The following ZNF175 variants were observed in gnomAD, a reference collection of about 807,000 sequenced individuals.
ZNF175 encodes the protein zinc finger protein OTK18.
ZNF175 carries 8 observed loss-of-function variants against 14.0 expected under a neutral mutation model. The ratio of observed to expected loss-of-function variants is 0.57; its 90% confidence interval spans 0.34 to 1.03. The LOEUF is 1.03. Ranked by LOEUF, ZNF175 falls within the 50% of genes least tolerant of loss-of-function variation. The pLI, the probability that ZNF175 is intolerant of heterozygous loss-of-function variation, is 0.03. For synonymous variants in ZNF175, 255 were observed against 296.8 expected (o/e 0.86, Z 1.45); for missense variants, 764 against 849.5 (o/e 0.90, Z 1.25).
In ZNF175 at chr19:51,581,852, G is replaced by C; in HGVS notation, c.265G>C (p.Glu89Gln). ...AAAAGAAAAGGAGCCGCGTGTGGAG[G>C]AGGCTGAAGTCTCACATCAGAGGTG... ...MLKEKEPRVE[E>Q]AEVSHQRCQE... The change falls in exon 4 of 5, where the codon GAG becomes CAG. Residue 89 changes from glutamate (E) to glutamine (Q), a missense_variant. Physicochemically the swap from Glu to Gln is conservative, Grantham distance 29. Coordinates refer to ENST00000262259, the MANE Select transcript of ZNF175 (RefSeq NM_007147.4). 6.2e-7 allele frequency: 1 copy of C among 1,613,876 alleles called. No homozygotes were observed. The highest frequency in any genetic ancestry group is 8.5e-7 in the Non-Finnish European group (1 of 1,179,840).
At chr19:51,578,136 C>T (rs1216651362) in intron 2 of ZNF175, among the ~76,000 whole-genome samples, 2 of 151,936 alleles carry the variant, frequency 1.3e-5, no homozygotes, top group Admixed American at 6.6e-5. Flanking sequence ...CAGTGGCTCA[C>T]GCCTGTAATC....
rs769601922 is a variant in ZNF175 at position 51,587,087 on chromosome 19, C to A, written c.756C>A (p.Cys252Ter). The change falls in exon 5 of 5, where the codon TGC becomes TGA. Residue 252 changes from cysteine (C) to a stop codon, truncating the protein, a stop_gained. Coordinates refer to ENST00000262259, the MANE Select transcript of ZNF175 (RefSeq NM_007147.4). LOFTEE classifies it low-confidence loss of function (END_TRUNC). ...ATATTCATACAGGAGAGACATTTTGCAAAGGTAACCAGTGTAGAAAAGTCT... is the reference window on the plus strand; with the variant it reads ...ATATTCATACAGGAGAGACATTTTGAAAAGGTAACCAGTGTAGAAAAGTCT... ...SKNIHTGETF[C>*]KGNQCRKVCG... is the part of the protein sequence containing the mutation. 3.7e-6 allele frequency: 6 copies of A among 1,614,034 alleles called. No individual in the cohort carries two copies. The highest frequency in any genetic ancestry group is 5.1e-6 in the Non-Finnish European group (6 of 1,180,032).
At chr19:51,577,811 C>G (rs574207920) in intron 2 of ZNF175, among the ~76,000 whole-genome samples, 4 of 151,884 alleles carry the variant, frequency 2.6e-5, no homozygotes, top group East Asian at 4.0e-4. Context: ...CTAAAGGCGC[C>G]CGCCACCACA....
chr19:51,587,577 G>A lies in ZNF175; in HGVS notation c.1246G>A (p.Glu416Lys). The change falls in exon 5 of 5, where the codon GAG (glutamate) becomes AAG (lysine). Residue 416 changes from glutamate to lysine, a missense_variant. Physicochemically the swap from Glu to Lys is moderately conservative, Grantham distance 56. Transcript: ENST00000262259. Reference protein sequence around the residue: ...LIIHQKIHTGERQYACSECGK... With the variant: ...LIIHQKIHTGKRQYACSECGK... ...TATACATCAGAAAATTCATACTGGT[G>A]AGAGACAGTATGCATGCAGTGAATG... The A allele has an allele frequency of 6.2e-7, 1 of 1,614,184 alleles. No homozygotes were observed.
At chr19:51,571,524 G>C (rs1981585216) in intron 1 of ZNF175, 49 bp downstream of exon 1, 1 of 152,488 alleles carries the variant, frequency 6.6e-6, no homozygotes, top group Non-Finnish European at 1.5e-5. Context: ...TTCTGGGGTG[G>C]GTGATGGGTG....
chr19:51,587,358 G>T lies in ZNF175; in HGVS notation c.1027G>T (p.Val343Phe), dbSNP rs199660011. Residue 343 changes from valine (V) to phenylalanine (F), a missense_variant, in exon 5 of 5, where the codon GTC (valine) becomes TTC (phenylalanine). Val to Phe is a conservative substitution (Grantham distance 50, BLOSUM62 -1). Transcript: ENST00000262259. Reference protein sequence around the residue: ...IPCICKECGKVFIQRSELLTH... With the variant: ...IPCICKECGKFFIQRSELLTH... ...CTGTATATGCAAGGAATGTGGGAAG[G>T]TCTTTATTCAGAGATCAGAATTGCT... is the stretch of plus-strand genomic sequence containing the variant. 150 of 1,614,034 alleles carry T rather than the reference G, an allele frequency of 9.3e-5. No homozygotes were observed. Among genetic ancestry groups the T allele is most frequent in the Non-Finnish European group, 1.2e-4 (144 of 1,180,008 alleles).
Position 51,587,764 on chromosome 19 carries a change from A to C in ZNF175, c.1433A>C (p.His478Pro). The C allele has an allele frequency of 6.2e-7, 1 of 1,614,204 alleles. No homozygotes were observed. The highest frequency in any genetic ancestry group is 8.5e-7 in the Non-Finnish European group (1 of 1,180,040). Residue 478 changes from histidine (H) to proline (P), a missense_variant, in exon 5 of 5, where the codon CAC becomes CCC. Transcript: ENST00000262259. ...SHTGEKPYQC[H>P]NCGKSFISKS... ...ACAGGAGAAAAACCTTATCAGTGCCACAACTGTGGGAAATCCTTCATTTCC... is the reference window on the plus strand; with the variant it reads ...ACAGGAGAAAAACCTTATCAGTGCCCCAACTGTGGGAAATCCTTCATTTCC...
At chr19:51,577,936 T>C (rs11084091) in intron 2 of ZNF175, among the ~76,000 whole-genome samples, 6 of 150,660 alleles carry the variant, frequency 4.0e-5, no homozygotes, top group African/African-American at 7.3e-5. Flanking sequence ...GTGCTGGGAT[T>C]ACAGGCGTGA....
At position 51,581,506 on chromosome 19, in the gene ZNF175, T is replaced by A; in HGVS notation, c.188T>A (p.Leu63His). ...RDVMLELYSH[L>H]FAVGYHIPNP... is the part of the protein sequence containing the mutation. Reference sequence around the variant, plus strand: ...GTGATGCTGGAGCTCTATAGCCATCTCTTCGCAGTGGGTGAGCACAACTGA... The same window carrying A: ...GTGATGCTGGAGCTCTATAGCCATCACTTCGCAGTGGGTGAGCACAACTGA... The change falls in exon 3 of 5, where the codon CTC becomes CAC. Residue 63 changes from leucine (L) to histidine (H), a missense_variant. Transcript: ENST00000262259. The A allele has an allele frequency of 6.2e-7, 1 of 1,613,342 alleles. No homozygotes were observed. Among genetic ancestry groups the A allele is most frequent in the Non-Finnish European group, 8.5e-7 (1 of 1,179,452 alleles).
Position 51,587,267 on chromosome 19 carries a change from T to A in ZNF175, c.936T>A (p.Cys312Ter), listed in dbSNP as rs1982198431. 1.2e-6 allele frequency: 2 copies of A among 1,614,130 alleles called. No individual in the cohort carries two copies. Among genetic ancestry groups the A allele is most frequent in the African/African-American group, 2.7e-5 (2 of 75,012 alleles). Residue 312 changes from cysteine (C) to a stop codon, truncating the protein, a stop_gained, in exon 5 of 5, where the codon TGT becomes TGA. Transcript: ENST00000262259. LOFTEE classifies it low-confidence loss of function (END_TRUNC). ...SVGNLHECGK[C>*]GKAFMPQLKL... Reference sequence around the variant, plus strand: ...GAAACCTCCATGAATGTGGCAAATGTGGAAAAGCCTTCATGCCACAACTAA... The same window carrying A: ...GAAACCTCCATGAATGTGGCAAATGAGGAAAAGCCTTCATGCCACAACTAA...
rs994197350 is a variant in ZNF175, at chr19:51,591,759, C to A, written c.*3292C>A. On this transcript the variant is annotated 3_prime_UTR_variant, in exon 5 of 5. Transcript: ENST00000262259. ...CAACCATTGTACTACTTTACCTCCT[C>A]ATGACCTTTTTTTTTTTTTTCTTGT... 6.6e-6 allele frequency: 1 copy of A among 150,982 alleles called. No homozygotes were observed. Among genetic ancestry groups the A allele is most frequent in the Non-Finnish European group, 1.5e-5 (1 of 67,898 alleles). 9.4% of individuals were successfully genotyped at this position (150,982 alleles called of 1,614,324 possible).
chr19:51,574,959 T>C (rs1181911142), intron 2 of ZNF175, among the ~76,000 whole-genome samples: 1 of 152,186 alleles, frequency 6.6e-6, no homozygotes, highest in Non-Finnish European at 1.5e-5. Flanking sequence ...CCCAGTACCA[T>C]GCACATTATC....
chr19:51,578,250 A>G (rs1981875467), intron 2 of ZNF175, among the ~76,000 whole-genome samples: 2 of 151,810 alleles, frequency 1.3e-5, no homozygotes, highest in Non-Finnish European at 2.9e-5. Context: ...AATACAAAAA[A>G]TTAGCCAGGC....
intron 2 of ZNF175, among the ~76,000 whole-genome samples, chr19:51,580,988 T>G (rs966900582): frequency 2.0e-5 from 3 of 152,192 alleles, no homozygotes; most frequent in African/African-American, 7.2e-5. Context: ...GTAGTTGAGC[T>G]TTTGTATTTA....
At chr19:51,581,639 T>C in intron 3 of ZNF175, 122 bp downstream of exon 3, 16 of 1,523,710 alleles carry the variant, frequency 1.1e-5, no homozygotes, top group Non-Finnish European at 1.4e-5. Context: ...TTGTCCTGGA[T>C]TGTTTGTTTC....
chr19:51,578,484 A>G (rs1172473049), intron 2 of ZNF175, among the ~76,000 whole-genome samples: 1 of 151,738 alleles, frequency 6.6e-6, no homozygotes, highest in Non-Finnish European at 1.5e-5. Context: ...AACGTTGAGG[A>G]CGGCTGGGCG....
In ZNF175 at chr19:51,589,889, A is replaced by G; in HGVS notation, c.*1422A>G. 3.2e-6 allele frequency: 1 copy of G among 313,798 alleles called. No homozygotes were observed. The highest frequency in any genetic ancestry group is 6.0e-5 in the Admixed American group (1 of 16,612). The allele number at this position is 313,798 out of a possible 1,614,324, so 19.4% of individuals were successfully genotyped here. On this transcript the variant is annotated 3_prime_UTR_variant, in exon 5 of 5. Coordinates refer to ENST00000262259, the MANE Select transcript of ZNF175 (RefSeq NM_007147.4). ...CAGCACATGATACACACACAAACAC[A>G]CACACATACACACATATTACTATGT...
rs776075943 is a variant in ZNF175 at position 51,588,370 on chromosome 19, T to G, written c.2039T>G (p.Phe680Cys). ...PYVCSECGKAFNNRSNFNKHQ... is the reference protein window; with the variant it reads ...PYVCSECGKACNNRSNFNKHQ... ...GTGTGTTCTGAATGTGGAAAGGCCT[T>G]CAACAACAGGTCAAACTTCAATAAA... is the stretch of plus-strand genomic sequence containing the variant. Residue 680 changes from phenylalanine (F) to cysteine (C), a missense_variant, in exon 5 of 5, where the codon TTC becomes TGC. Transcript: ENST00000262259. 3 of 1,613,458 alleles carry G rather than the reference T, an allele frequency of 1.9e-6. No individual in the cohort carries two copies. The highest frequency in any genetic ancestry group is 3.3e-4 in the Middle Eastern group (2 of 6,060).
Position 51,592,460 on chromosome 19 carries a change from C to T in ZNF175, c.*3993C>T, listed in dbSNP as rs769377037. 183 of 554,562 alleles carry T rather than the reference C, an allele frequency of 3.3e-4. 1 individual carries two copies. Among genetic ancestry groups the T allele is most frequent in the Admixed American group, 2.1e-4 (6 of 28,362 alleles). The allele number at this position is 554,562 out of a possible 1,614,324, so 34.4% of individuals were successfully genotyped here. A position where few individuals can be genotyped will look rare whatever the true frequency, so the allele number is the denominator to read the frequency against. On this transcript the variant is annotated 3_prime_UTR_variant, in exon 5 of 5. Coordinates refer to ENST00000262259, the MANE Select transcript of ZNF175 (RefSeq NM_007147.4). ...CAAATGCTCGTTCTTAATGATTCAA[C>T]AAACATGGAATTTCATTAAATCTGA...
Sources: gnomAD v4.1 joint callset for allele counts (sites outside exome capture counted in the v4.1 genomes callset) on GRCh38, gnomAD v4.1.1 for gene constraint, MANE v1.5 for transcripts, NCBI Gene and HGNC (gene_info 2026-07-23, HGNC 2026-07-21) for gene names.